TTC7B: variants seen among roughly 807,000 people sequenced by gnomAD.
The protein encoded by TTC7B is tetratricopeptide repeat protein 7B.
TTC7B carries 28 observed loss-of-function variants against 106.8 expected under a neutral mutation model. The ratio of observed to expected loss-of-function variants is 0.26; its 90% CI spans 0.19 to 0.36. The LOEUF is 0.36. Among genes scored for constraint, TTC7B ranks in the 10% least tolerant of loss-of-function variants. The pLI, the probability that TTC7B is intolerant of heterozygous loss-of-function variation, is 1.00. For missense variants in TTC7B, 862 were observed against 1,076.4 expected (o/e 0.80, Z 2.79); for synonymous variants, 405 against 430.6 (o/e 0.94, Z 0.74).
chr14:90,754,767 A>G (rs112341919), intron 3 of TTC7B, among the ~76,000 whole-genome samples: 2,544 of 151,854 alleles, frequency 0.017, 65 homozygotes, highest in African/African-American at 0.057. Flanking sequence ...GGAACCGCCA[A>G]TCTGCTTTCT....
rs188015879 is a variant in TTC7B, at chr14:90,703,788, A to C, written c.699-8210T>G. ...TTAAATTGGTAAATAAAAGCCTCTG[A>C]TATTTTTCTTGGGGAAACAAAGCAG... On this transcript the variant is annotated intron_variant, in intron 5 of 19. Transcript: ENST00000328459. Among the ~76,000 whole-genome samples, 398 of 152,340 alleles carry C rather than the reference A, an allele frequency of 2.6e-3. 2 individuals carry two copies. Among genetic ancestry groups the C allele is most frequent in the African/African-American group, 9.1e-3 (379 of 41,568 alleles).
chr14:90,644,045 T>C lies in TTC7B; in HGVS notation c.1751+3A>G. On this transcript the variant is annotated splice_donor_region_variant and intron_variant, in intron 15 of 19. Coordinates refer to ENST00000328459, the MANE Select transcript of TTC7B (RefSeq NM_001010854.2). ...GGGAAAACCAAAGCCCAGGATCACT[T>C]ACATGAAATTTTCTGGGTATTCACT... 2 of 1,614,088 alleles carry C rather than the reference T, an allele frequency of 1.2e-6. No individual in the cohort carries two copies. Among genetic ancestry groups the C allele is most frequent in the Non-Finnish European group, 1.7e-6 (2 of 1,179,998 alleles).
intron 1 of TTC7B, among the ~76,000 whole-genome samples, chr14:90,790,877 G>C (rs1369881311): frequency 6.6e-6 from 1 of 152,090 alleles, no homozygotes; most frequent in Non-Finnish European, 1.5e-5. Flanking sequence ...GCAAAAAGCA[G>C]AGGGAAGGGC....
Position 90,584,549 on chromosome 14 carries a change from T to C in TTC7B, c.2108-6241A>G, listed in dbSNP as rs143521393. 4.6e-5 allele frequency among the ~76,000 whole-genome samples: 7 copies of C among 152,244 alleles called. No individual in the cohort carries two copies. The East Asian group carries it at 1.4e-3, about 30-fold the overall frequency. ...GTTGTCCTCCACTAGCCAAGGCTGCTCTCTCTGGGGGCTTAGTCTATTCAG... is the reference window on the plus strand; with the variant it reads ...GTTGTCCTCCACTAGCCAAGGCTGCCCTCTCTGGGGGCTTAGTCTATTCAG... On this transcript the variant is annotated intron_variant, in intron 18 of 19. Coordinates refer to ENST00000328459, the MANE Select transcript of TTC7B (RefSeq NM_001010854.2).
At chr14:90,740,422 T>C (rs911868128) in intron 4 of TTC7B, among the ~76,000 whole-genome samples, 1 of 151,088 alleles carries the variant, frequency 6.6e-6, no homozygotes, top group African/African-American at 2.4e-5. Flanking sequence ...TCCACTGGCT[T>C]CAGCACAAGA....
intron 1 of TTC7B, among the ~76,000 whole-genome samples, chr14:90,811,778 T>C (rs995054214): frequency 6.6e-6 from 1 of 152,152 alleles, no homozygotes; most frequent in Non-Finnish European, 1.5e-5. Flanking sequence ...AAGCTACCAT[T>C]TGGGGCCTAA....
chr14:90,712,784 T>C (rs966050356), intron 5 of TTC7B, among the ~76,000 whole-genome samples: 1 of 152,042 alleles, frequency 6.6e-6, no homozygotes. Context: ...CTAAATTTTA[T>C]GGGGGAATGT....
chr14:90,569,259 A>T (rs888655030), intron 19 of TTC7B, among the ~76,000 whole-genome samples: 1 of 152,140 alleles, frequency 6.6e-6, no homozygotes, highest in African/African-American at 2.4e-5. Context: ...GTAAGGGTGG[A>T]GGCAACAGAA....
At chr14:90,652,390 G>C (rs1885761289) in intron 13 of TTC7B, among the ~76,000 whole-genome samples, 1 of 151,558 alleles carries the variant, frequency 6.6e-6, no homozygotes, top group East Asian at 1.9e-4. Flanking sequence ...GGGGCGGGGA[G>C]TTTGGGGCTG....
intron 6 of TTC7B, among the ~76,000 whole-genome samples, chr14:90,692,886 G>A (rs1410515928): frequency 1.3e-5 from 2 of 151,758 alleles, no homozygotes; most frequent in African/African-American, 4.8e-5. Flanking sequence ...AATTTTGAAG[G>A]CCAACTGAGC....
intron 11 of TTC7B, among the ~76,000 whole-genome samples, chr14:90,656,390 G>A (rs1885948578): frequency 6.6e-6 from 1 of 152,138 alleles, no homozygotes; most frequent in Admixed American, 6.6e-5. Flanking sequence ...TCGGCAATTA[G>A]ACTGAGTTTT....
At chr14:90,713,951 G>A (rs1302858591) in intron 5 of TTC7B, among the ~76,000 whole-genome samples, 1 of 152,210 alleles carries the variant, frequency 6.6e-6, no homozygotes, top group Non-Finnish European at 1.5e-5. Context: ...ACACAGGCCG[G>A]GTGCGGTGGC....
intron 19 of TTC7B, among the ~76,000 whole-genome samples, chr14:90,556,973 T>C (rs1406938062): frequency 6.6e-6 from 1 of 152,158 alleles, no homozygotes; most frequent in Non-Finnish European, 1.5e-5. Context: ...GCGTCAGACC[T>C]GGAAGTGTTG....
In TTC7B at chr14:90,701,014, C is replaced by T. The variant is rs145508358; in HGVS notation, c.699-5436G>A. On this transcript the variant is annotated intron_variant, in intron 5 of 19. Coordinates refer to ENST00000328459, the MANE Select transcript of TTC7B (RefSeq NM_001010854.2). ...TCTGTACATACTCTCCTCCTCATAT[C>T]CAATGACACGCATTTGTGAAGACAG... is the stretch of plus-strand genomic sequence containing the variant. Among the ~76,000 whole-genome samples, 251 of 152,050 alleles carry T rather than the reference C, an allele frequency of 1.7e-3. 2 individuals are homozygous for T. Among genetic ancestry groups the T allele is most frequent in the Middle Eastern group, 0.014 (4 of 294 alleles).
At chr14:90,666,907 G>T (rs1886432356) in intron 9 of TTC7B, among the ~76,000 whole-genome samples, 3 of 152,222 alleles carry the variant, frequency 2.0e-5, no homozygotes, top group Admixed American at 2.0e-4. Context: ...TACGAATCAA[G>T]TAGACCAAGC....
At chr14:90,766,865 A>C in intron 3 of TTC7B, 1 of 1,596,974 alleles carries the variant, frequency 6.3e-7, no homozygotes, top group Non-Finnish European at 8.6e-7. Context: ...GAAGACCTGG[A>C]GCGACTGAAG....
chr14:90,615,699 G>T (rs1157745051), intron 16 of TTC7B, among the ~76,000 whole-genome samples: 3 of 152,172 alleles, frequency 2.0e-5, no homozygotes, highest in African/African-American at 7.2e-5. Context: ...TACCGAGCAG[G>T]CTGGCGGGGA....
intron 3 of TTC7B, among the ~76,000 whole-genome samples, chr14:90,754,890 G>A (rs1890239854): frequency 1.3e-5 from 2 of 152,264 alleles, no homozygotes; most frequent in Admixed American, 6.5e-5. Context: ...ATTCATAGCT[G>A]TTATAACAAA....
chr14:90,650,161 C>T (rs1885653871), intron 13 of TTC7B, among the ~76,000 whole-genome samples: 1 of 152,182 alleles, frequency 6.6e-6, no homozygotes, highest in South Asian at 2.1e-4. Context: ...AGACACATAT[C>T]TTGTAACAAT....
Sources: gnomAD v4.1 joint callset for allele counts (sites outside exome capture counted in the v4.1 genomes callset) on GRCh38, gnomAD v4.1.1 for gene constraint, MANE v1.5 for transcripts, NCBI Gene and HGNC (gene_info 2026-07-23, HGNC 2026-07-21) for gene names.